ANKH: variants seen among roughly 807,000 people sequenced by gnomAD.
ANKH encodes the protein mineralization regulator ANKH.
A neutral mutation model predicts 49.0 loss-of-function variants in ANKH; 15 were observed. The observed-to-expected ratio is 0.31, with a 90% CI of 0.20 to 0.47. The LOEUF is 0.47. Ranked by LOEUF, ANKH falls within the 20% of genes least tolerant of loss-of-function variation. The pLI is 1.00. For missense variants in ANKH, 429 were observed against 652.0 expected (o/e 0.66, Z 3.72); for synonymous variants, 273 against 260.0 (o/e 1.05, Z -0.48).
At chr5:14,746,426 G>A (rs566328185) in intron 6 of ANKH, among the ~76,000 whole-genome samples, 1 of 152,124 alleles carries the variant, frequency 6.6e-6, no homozygotes, top group South Asian at 2.1e-4. Flanking sequence ...CTTGTGCTCA[G>A]TCAGTTCCTG....
chr5:14,756,275 C>T (rs529935165), intron 3 of ANKH, among the ~76,000 whole-genome samples: 4 of 152,306 alleles, frequency 2.6e-5, no homozygotes, highest in Non-Finnish European at 4.4e-5. Context: ...GTCTCTCAAG[C>T]GTCTCAGTCC....
intron 2 of ANKH, among the ~76,000 whole-genome samples, chr5:14,766,400 A>G (rs1013886964): frequency 3.3e-5 from 5 of 152,054 alleles, no homozygotes; most frequent in African/African-American, 1.2e-4. Flanking sequence ...TGTCTCAAAA[A>G]CAAACAAACA....
rs1739390234 is a variant in ANKH at position 14,770,208 on chromosome 5, C to G, written c.97-1017G>C. On this transcript the variant is annotated intron_variant, in intron 1 of 11. Coordinates refer to ENST00000284268, the MANE Select transcript of ANKH (RefSeq NM_054027.6). This position sits in a 1 kb window ranked among gnomAD's most constrained non-coding sequence, Gnocchi z 4.1. ...AATTGAGCAGAAAGTACAGAGCATT[C>G]CCATATATCCTTTGCCCCCCACAAA... Among the ~76,000 whole-genome samples the G allele has an allele frequency of 6.6e-6, 1 of 152,102 alleles. No homozygotes were observed. The highest frequency in any genetic ancestry group is 2.4e-5 in the African/African-American group (1 of 41,420).
chr5:14,734,134 C>A (rs535906752), intron 8 of ANKH, among the ~76,000 whole-genome samples: 75 of 152,320 alleles, frequency 4.9e-4, no homozygotes, highest in African/African-American at 1.7e-3. Context: ...ATGTTCAATT[C>A]TTTGCCTTCT....
intron 1 of ANKH, among the ~76,000 whole-genome samples, chr5:14,773,618 C>T (rs1739519026): frequency 6.6e-6 from 1 of 152,178 alleles, no homozygotes. Context: ...GAATCTGCTT[C>T]TATCACTTAA....
At chr5:14,830,661 G>A (rs1741480354) in intron 1 of ANKH, among the ~76,000 whole-genome samples, 1 of 152,124 alleles carries the variant, frequency 6.6e-6, no homozygotes, top group Non-Finnish European at 1.5e-5. Context: ...AAGATAGCAC[G>A]GAGCTGCTTG....
At chr5:14,774,085 T>C (rs1243492720) in intron 1 of ANKH, among the ~76,000 whole-genome samples, 1 of 152,234 alleles carries the variant, frequency 6.6e-6, no homozygotes, top group Non-Finnish European at 1.5e-5. Flanking sequence ...GCTACATTCA[T>C]ATTACTAGCA....
rs1307001366 is a variant in ANKH, at chr5:14,771,948, C to CAAAA, written c.97-2758_97-2757insTTTT. On this transcript the variant is annotated intron_variant, in intron 1 of 11. Transcript: ENST00000284268. Reference sequence around the variant, plus strand: ...AAAAAAAAAAAAAAAAAAAAAAAAACCAAAACAAAACAAAACAAAAAACCG... The same window carrying CAAAA: ...AAAAAAAAAAAAAAAAAAAAAAAAACAAAACAAAACAAAACAAAACAAAAAACCG... Among the ~76,000 whole-genome samples, 280 of 126,222 alleles carry CAAAA rather than the reference C, an allele frequency of 2.2e-3. 1 individual carries two copies. The highest frequency in any genetic ancestry group is 3.2e-3 in the Non-Finnish European group (194 of 59,876). The allele number at this position is 126,222 out of a possible 152,430, so 82.8% of individuals were successfully genotyped here.
intron 1 of ANKH, among the ~76,000 whole-genome samples, chr5:14,857,015 T>A (rs1218761253): frequency 6.6e-6 from 1 of 152,160 alleles, no homozygotes; most frequent in Non-Finnish European, 1.5e-5. Context: ...AAAGCGCTTT[T>A]CTCTGTCTGG....
intron 8 of ANKH, among the ~76,000 whole-genome samples, chr5:14,734,556 AAG>A (rs896748338): frequency 6.6e-6 from 1 of 152,194 alleles, no homozygotes; most frequent in African/African-American, 2.4e-5. Flanking sequence ...TGAAAACCGA[AAG>A]AGCCGGGCTG....
At chr5:14,757,430 A>ATATATATATTTTTTTTTTTT (rs1379233165) in intron 3 of ANKH, among the ~76,000 whole-genome samples, 1 of 113,816 alleles carries the variant, frequency 8.8e-6, no homozygotes, top group African/African-American at 3.3e-5. Flanking sequence ...ATATATATAT[A>ATATATATATTTTTTTTTTTT]TTTTTTTTTT....
At chr5:14,723,256 A>T (rs1737724264) in intron 8 of ANKH, among the ~76,000 whole-genome samples, 1 of 152,044 alleles carries the variant, frequency 6.6e-6, no homozygotes, top group Non-Finnish European at 1.5e-5. Flanking sequence ...CGGTTGTAAC[A>T]TGCGCGCTGC....
intron 1 of ANKH, among the ~76,000 whole-genome samples, chr5:14,866,743 C>A (rs775610678): frequency 3.9e-5 from 6 of 152,074 alleles, no homozygotes; most frequent in African/African-American, 1.4e-4. Flanking sequence ...GCTATGCCAA[C>A]CTTGTTAAAA....
chr5:14,793,039 T>TATATATATATATAAATATATATATATAA (rs1561057876), intron 1 of ANKH, among the ~76,000 whole-genome samples: 1 of 52,616 alleles, frequency 1.9e-5, no homozygotes, highest in African/African-American at 7.7e-5. Context: ...TATATAAAAA[T>TATATATATATATAAATATATATATATAA]ATATATATAA....
chr5:14,710,698 T>C lies in ANKH; in HGVS notation c.*499A>G, dbSNP rs1336088015. 2 of 176,832 alleles carry C rather than the reference T, an allele frequency of 1.1e-5. No individual in the cohort carries two copies. The highest frequency in any genetic ancestry group is 1.1e-4 in the Admixed American group (2 of 18,122). The allele number at this position is 176,832 out of a possible 1,614,324, so 11.0% of individuals were successfully genotyped here. A position where few individuals can be genotyped will look rare whatever the true frequency, so the allele number is the denominator to read the frequency against. On this transcript the variant is annotated 3_prime_UTR_variant, in exon 12 of 12. Coordinates refer to ENST00000284268, the MANE Select transcript of ANKH (RefSeq NM_054027.6). The stretch of plus-strand genomic sequence containing the variant: ...TCGAACTCCGTGGCGGAAGGGAAAT[T>C]TAAGAGGCCACCGGGGCTCCATCTC...
chr5:14,758,834 G>A (rs995827666), intron 2 of ANKH, among the ~76,000 whole-genome samples: 5 of 152,284 alleles, frequency 3.3e-5, no homozygotes, highest in African/African-American at 7.2e-5. Context: ...GTGTTTTAAC[G>A]TAAAAACGAG....
At chr5:14,797,080 A>G in intron 1 of ANKH, 1 of 1,349,516 alleles carries the variant, frequency 7.4e-7, no homozygotes, top group Admixed American at 1.8e-5. Context: ...CGGGGTTGAG[A>G]AGAAAAAAGG....
intron 1 of ANKH, among the ~76,000 whole-genome samples, chr5:14,842,710 G>A (rs748471456): frequency 4.1e-4 from 62 of 152,220 alleles, no homozygotes; most frequent in Non-Finnish European, 5.9e-4. Flanking sequence ...GAAGGCTGCA[G>A]AGACAGGGAG....
rs1737325353 is a variant in ANKH, at chr5:14,713,617, A to C, written c.1192T>G (p.Phe398Val). The C allele has an allele frequency of 6.2e-7, 1 of 1,614,064 alleles. No individual in the cohort carries two copies. Among genetic ancestry groups the C allele is most frequent in the African/African-American group, 1.3e-5 (1 of 74,932 alleles). ...AGCACAGAGCTGGGGGCAAGGACGAAGGTTTTCTTCAGTGTCATCAGCCAC... is the reference window on the plus strand; with the variant it reads ...AGCACAGAGCTGGGGGCAAGGACGACGGTTTTCTTCAGTGTCATCAGCCAC... ...TGWLMTLKKTFVLAPSSVLRI... is the reference protein window; with the variant it reads ...TGWLMTLKKTVVLAPSSVLRI... Residue 398 changes from phenylalanine to valine, a missense_variant, in exon 10 of 12, where the codon TTC becomes GTC. Physicochemically the swap from Phe to Val is conservative, Grantham distance 50. This residue lies in a region of ANKH where 378 missense variants were observed against 615.3 expected (regional missense o/e 0.61). Coordinates refer to ENST00000284268, the MANE Select transcript of ANKH (RefSeq NM_054027.6). The surrounding 1 kb of genome is among the most constrained non-coding windows in gnomAD (Gnocchi z 4.4).
Sources: allele counts gnomAD v4.1 joint callset (sites outside exome capture counted in the v4.1 genomes callset), GRCh38; gene constraint gnomAD v4.1.1; regional missense constraint gnomAD v4.1.1; non-coding constraint Gnocchi (gnomAD v3.1); transcripts MANE v1.5; gene names NCBI Gene and HGNC (gene_info 2026-07-23, HGNC 2026-07-21).